The following CAMK2B variants were observed in gnomAD, a reference collection of about 807,000 sequenced individuals.
The protein encoded by CAMK2B is calcium/calmodulin dependent protein kinase II beta.
Under a neutral mutation model 93.7 loss-of-function variants are expected in CAMK2B, and 27 were observed. That is an observed-to-expected ratio of 0.29 (90% CI 0.21 to 0.40). The LOEUF (loss-of-function observed/expected upper bound fraction) is 0.40, where lower values mean the gene tolerates loss of function less well. Ranked by LOEUF, CAMK2B falls within the 10% of genes least tolerant of loss-of-function variation. CAMK2B has a pLI of 1.00. For missense variants in CAMK2B, 568 were observed against 895.8 expected (o/e 0.63, Z 4.67); for synonymous variants, 374 against 358.8 (o/e 1.04, Z -0.48).
In CAMK2B at chr7:44,220,914, A is replaced by C; in HGVS notation, c.1598-13T>G. ...TCCTGCTTCCGGGCTGTGGGGAGACATGGCCAGGTGACCACTGGGCGCTGG... is the reference window on the plus strand; with the variant it reads ...TCCTGCTTCCGGGCTGTGGGGAGACCTGGCCAGGTGACCACTGGGCGCTGG... On this transcript the variant is annotated splice_polypyrimidine_tract_variant and intron_variant, in intron 20 of 23. Coordinates refer to ENST00000395749, the MANE Select transcript of CAMK2B (RefSeq NM_001220.5). 1 of 1,557,366 alleles carries C rather than the reference A, an allele frequency of 6.4e-7. No homozygotes were observed. Among genetic ancestry groups the C allele is most frequent in the South Asian group, 1.2e-5 (1 of 84,490 alleles).
chr7:44,280,425 G>C (rs1168672464), intron 2 of CAMK2B, among the ~76,000 whole-genome samples: 5 of 152,204 alleles, frequency 3.3e-5, no homozygotes, highest in Admixed American at 2.0e-4. Flanking sequence ...GTGCATGTCA[G>C]AGCTGTGGGT....
At chr7:44,227,917 C>T (rs982570788) in intron 19 of CAMK2B, among the ~76,000 whole-genome samples, 17 of 92,746 alleles carry the variant, frequency 1.8e-4, no homozygotes, top group East Asian at 3.1e-4. Flanking sequence ...CTTAGGGGGA[C>T]GTGGAGAGGT....
chr7:44,325,296 G>T (rs1279996485), intron 1 of CAMK2B, 61 bp downstream of exon 1: 1 of 992,034 alleles, frequency 1.0e-6, no homozygotes, highest in Non-Finnish European at 1.2e-6. Context: ...GGCGCGGAGG[G>T]TCCCGGAGGT....
intron 1 of CAMK2B, chr7:44,323,926 A>G: frequency 6.2e-6 from 1 of 161,188 alleles, no homozygotes; most frequent in South Asian, 1.5e-4. Flanking sequence ...ATCCGCATGA[A>G]GGGGGCTGGG....
At chr7:44,239,041 G>T (rs1413820617) in intron 13 of CAMK2B, among the ~76,000 whole-genome samples, 1 of 152,212 alleles carries the variant, frequency 6.6e-6, no homozygotes, top group African/African-American at 2.4e-5. Flanking sequence ...AGGAAGCCTT[G>T]AAAGTCTCCT....
At chr7:44,238,343 C>G (rs879834655) in intron 13 of CAMK2B, among the ~76,000 whole-genome samples, 5 of 152,218 alleles carry the variant, frequency 3.3e-5, no homozygotes, top group Non-Finnish European at 7.3e-5. Flanking sequence ...GCGGGAGCCC[C>G]GGGCACAGGG....
chr7:44,313,113 C>T (rs1249386607), intron 1 of CAMK2B, among the ~76,000 whole-genome samples: 1 of 152,148 alleles, frequency 6.6e-6, no homozygotes, highest in Admixed American at 6.5e-5. Flanking sequence ...CCCATCACCC[C>T]TGATGGGCTC....
chr7:44,258,332 C>T (rs2096851667), intron 4 of CAMK2B, among the ~76,000 whole-genome samples: 1 of 152,222 alleles, frequency 6.6e-6, no homozygotes, highest in Non-Finnish European at 1.5e-5. Flanking sequence ...CTCATACATT[C>T]ACACAATACA....
Position 44,242,604 on chromosome 7 carries a change from C to A in CAMK2B, c.652G>T (p.Asp218Tyr). 6.2e-7 allele frequency: 1 copy of A among 1,612,520 alleles called. No homozygotes were observed. Among genetic ancestry groups the A allele is most frequent in the South Asian group, 1.1e-5 (1 of 90,904 alleles). ...ATCTGCTGGTACAGCTTGTGCTGGTCCTCGTCCCAGAAGGGTGGGTAGCCC... is the reference window on the plus strand; with the variant it reads ...ATCTGCTGGTACAGCTTGTGCTGGTACTCGTCCCAGAAGGGTGGGTAGCCC... ...LVGYPPFWDE[D>Y]QHKLYQQIKA... Residue 218 changes from aspartate to tyrosine, a missense_variant, in exon 9 of 24, where the codon GAC becomes TAC. Transcript: ENST00000395749.
At chr7:44,270,369 A>C (rs1562967414) in intron 2 of CAMK2B, among the ~76,000 whole-genome samples, 1 of 152,088 alleles carries the variant, frequency 6.6e-6, no homozygotes, top group Non-Finnish European at 1.5e-5. Context: ...CTGGTTCCTC[A>C]GGGCTGGGGC....
At chr7:44,243,684 G>T (rs1008193954) in intron 6 of CAMK2B, among the ~76,000 whole-genome samples, 157 bp from the exon 7 acceptor site, 10 of 152,086 alleles carry the variant, frequency 6.6e-5, no homozygotes, top group African/African-American at 1.9e-4. Flanking sequence ...GGGCATGGCT[G>T]AGCCTTCACC....
intron 2 of CAMK2B, among the ~76,000 whole-genome samples, chr7:44,272,039 C>T (rs2096979225): frequency 1.3e-5 from 2 of 152,158 alleles, no homozygotes; most frequent in African/African-American, 4.8e-5. Flanking sequence ...GGAGCTGGAC[C>T]CCGTCACAGG....
At chr7:44,319,707 C>T (rs1406120120) in intron 1 of CAMK2B, among the ~76,000 whole-genome samples, 1 of 152,196 alleles carries the variant, frequency 6.6e-6, no homozygotes, top group African/African-American at 2.4e-5. Flanking sequence ...AATATAGCAT[C>T]CTATTATATA....
chr7:44,232,984 G>A (rs866073829), intron 15 of CAMK2B, 118 bp from the exon 16 acceptor site: 44 of 874,544 alleles, frequency 5.0e-5, no homozygotes, highest in African/African-American at 3.6e-4. Context: ...CAGAGCCTGC[G>A]AGAAAGAAGT....
chr7:44,250,808 G>A (rs1318204148), intron 5 of CAMK2B, among the ~76,000 whole-genome samples: 4 of 152,204 alleles, frequency 2.6e-5, no homozygotes, highest in East Asian at 1.9e-4. Context: ...GATTACAGGC[G>A]TGAGCCACCG....
At chr7:44,254,664 G>T in intron 4 of CAMK2B, 57 bp from the exon 5 acceptor site, 1 of 1,175,980 alleles carries the variant, frequency 8.5e-7, no homozygotes, top group Non-Finnish European at 1.3e-6. Context: ...ACACTGCACT[G>T]TCACCTCCAT....
chr7:44,264,048 T>C (rs1021676612), intron 2 of CAMK2B: 2 of 154,514 alleles, frequency 1.3e-5, no homozygotes, highest in Admixed American at 6.5e-5. Flanking sequence ...AGGACGTGAC[T>C]GGGGAGGGGG....
Position 44,317,870 on chromosome 7 carries a change from C to A in CAMK2B, c.65+7487G>T, listed in dbSNP as rs995284268. On this transcript the variant is annotated intron_variant, in intron 1 of 23. Transcript: ENST00000395749. ...TTATATGAAGGAGTGTGGGCTTAGG[C>A]GAGTGTCTGGCCTCAGGTGCAGACT... Among the ~76,000 whole-genome samples the A allele has an allele frequency of 2.6e-5, 4 of 152,054 alleles. No homozygotes were observed. In the East Asian group the frequency reaches 7.7e-4, roughly 29 times the overall value.
chr7:44,313,373 C>A (rs1055913156), intron 1 of CAMK2B, among the ~76,000 whole-genome samples: 5 of 152,030 alleles, frequency 3.3e-5, no homozygotes, highest in Admixed American at 2.6e-4. Flanking sequence ...GCGGAGGGCA[C>A]CCCTGAGGCC....
Sources: allele counts gnomAD v4.1 joint callset (sites outside exome capture counted in the v4.1 genomes callset), GRCh38; gene constraint gnomAD v4.1.1; transcripts MANE v1.5; gene names NCBI Gene and HGNC (gene_info 2026-07-23, HGNC 2026-07-21).